Variants in RALY observed in about 807,000 individuals in gnomAD.
RALY encodes the protein RALY heterogeneous nuclear ribonucleoprotein.
Under a neutral mutation model 30.7 loss-of-function variants are expected in RALY, and 15 were observed. The ratio of observed to expected loss-of-function variants is 0.49; its 90% confidence interval spans 0.33 to 0.75. RALY has a LOEUF of 0.75. RALY is among the 30% of genes least tolerant of loss of function. The pLI is 0.02. For synonymous variants in RALY, 177 were observed against 170.8 expected, an observed-to-expected ratio of 1.04 and a Z score of -0.28; for missense variants, 339 against 414.3, an observed-to-expected ratio of 0.82 and a Z score of 1.58.
At chr20:34,046,113 A>G (rs989263835) in intron 2 of RALY, among the ~76,000 whole-genome samples, 4 of 152,170 alleles carry the variant, frequency 2.6e-5, no homozygotes, top group Admixed American at 1.3e-4. Context: ...TTGAACTACT[A>G]CCCTCTGCAA....
intron 2 of RALY, among the ~76,000 whole-genome samples, chr20:34,067,459 CCCAGCCAGTGGCTGTTGTTACTGTGA>C (rs1269519205): frequency 6.6e-6 from 1 of 152,184 alleles, no homozygotes; most frequent in Non-Finnish European, 1.5e-5. Context: ...AGCCACTGTG[CCCAGCCAGTGGCTGTTGTTACTGTGA>C]CGGCTCTCTG....
At chr20:34,031,190 G>A (rs1218534243) in intron 1 of RALY, among the ~76,000 whole-genome samples, 2 of 148,294 alleles carry the variant, frequency 1.3e-5, no homozygotes, top group Non-Finnish European at 3.0e-5. Context: ...GGTTACAGGC[G>A]CCCACCACCA....
intron 2 of RALY, among the ~76,000 whole-genome samples, chr20:34,053,962 G>T (rs1381269264): frequency 6.6e-6 from 1 of 152,020 alleles, no homozygotes; most frequent in African/African-American, 2.4e-5. Flanking sequence ...GTAGTCTCTG[G>T]GCTGCAGACT....
chr20:34,022,259 C>A (rs910498565), intron 1 of RALY, among the ~76,000 whole-genome samples: 1 of 151,954 alleles, frequency 6.6e-6, no homozygotes, highest in Non-Finnish European at 1.5e-5. Context: ...TTCTCTATAC[C>A]TTATACCTCA....
chr20:34,039,374 G>A (rs897273421), intron 2 of RALY, among the ~76,000 whole-genome samples: 3 of 152,204 alleles, frequency 2.0e-5, no homozygotes, highest in African/African-American at 7.2e-5. Flanking sequence ...CCCAGATTGT[G>A]CTCTATCACC....
chr20:34,026,374 TTTTATTTATTTA>T (rs372397530), intron 1 of RALY, among the ~76,000 whole-genome samples: 1,558 of 142,448 alleles, frequency 0.011, 16 homozygotes, highest in South Asian at 0.028. Flanking sequence ...ACCTCAGACA[TTTTATTTATTTA>T]TTTATTTATT....
chr20:34,001,611 T>A (rs1280888441), intron 1 of RALY, among the ~76,000 whole-genome samples: 2 of 152,220 alleles, frequency 1.3e-5, no homozygotes, highest in Non-Finnish European at 2.9e-5. Context: ...TTACATGGTG[T>A]CTCTTGATCT....
rs567852056 is a variant in RALY, at chr20:34,078,908, C to T, written c.*4+355C>T. Among the ~76,000 whole-genome samples, 7 of 152,260 alleles carry T rather than the reference C, an allele frequency of 4.6e-5. 1 individual carries two copies. In the South Asian group the frequency reaches 1.2e-3, roughly 27 times the overall value. On this transcript the variant is annotated intron_variant, in intron 9 of 9. Transcript: ENST00000246194. ...TAGTGTGAGCAGGATAACAATAGAG[C>T]GAGGCCAGGTCATGGAAGAGATGAT...
At chr20:34,028,678 T>C (rs1185355790) in intron 1 of RALY, among the ~76,000 whole-genome samples, 1 of 114,926 alleles carries the variant, frequency 8.7e-6, no homozygotes, top group East Asian at 2.6e-4. Flanking sequence ...CACTCCAGCA[T>C]GGGTGACAGA....
intron 1 of RALY, among the ~76,000 whole-genome samples, chr20:34,012,954 G>C (rs944828816): frequency 2.6e-5 from 4 of 152,152 alleles, no homozygotes; most frequent in Non-Finnish European, 4.4e-5. Context: ...CTTTATGTTG[G>C]TTACAAAAGT....
chr20:34,069,035 C>G (rs2284389), intron 2 of RALY, among the ~76,000 whole-genome samples: 94,767 of 152,070 alleles, frequency 0.62, 30,793 homozygotes, highest in South Asian at 0.85. Context: ...AGATTTCTCA[C>G]CCAGAGCAGC....
At chr20:34,032,925 G>GT (rs2032340220) in intron 2 of RALY, among the ~76,000 whole-genome samples, 2 of 152,184 alleles carry the variant, frequency 1.3e-5, no homozygotes, top group Non-Finnish European at 2.9e-5. Flanking sequence ...GCAGGTAGGA[G>GT]TTAGGGGTCC....
intron 2 of RALY, among the ~76,000 whole-genome samples, chr20:34,058,714 A>G (rs1455591621): frequency 6.6e-6 from 1 of 152,218 alleles, no homozygotes; most frequent in Non-Finnish European, 1.5e-5. Flanking sequence ...GTCCAAGGTC[A>G]CACAACTAGT....
At chr20:34,043,329 G>A (rs2032766899) in intron 2 of RALY, among the ~76,000 whole-genome samples, 1 of 152,210 alleles carries the variant, frequency 6.6e-6, no homozygotes, top group South Asian at 2.1e-4. Flanking sequence ...AGAATAGGCA[G>A]CTGCTTTCAT....
intron 2 of RALY, among the ~76,000 whole-genome samples, chr20:34,031,994 C>T (rs910042310): frequency 6.6e-6 from 1 of 152,176 alleles, no homozygotes; most frequent in Non-Finnish European, 1.5e-5. Context: ...TGGAGTTTCG[C>T]TCTTGTTGCC....
chr20:34,026,271 A>G (rs1317709645), intron 1 of RALY, among the ~76,000 whole-genome samples: 2 of 152,086 alleles, frequency 1.3e-5, no homozygotes, highest in African/African-American at 2.4e-5. Context: ...CCCTTCATTT[A>G]ACATTTACAA....
chr20:34,057,671 A>G (rs1230457705), intron 2 of RALY, among the ~76,000 whole-genome samples: 1 of 151,798 alleles, frequency 6.6e-6, no homozygotes, highest in Non-Finnish European at 1.5e-5. Context: ...CGTCTCAAAA[A>G]AAAAAAAAAA....
At chr20:34,030,600 G>A (rs1474744376) in intron 1 of RALY, among the ~76,000 whole-genome samples, 1 of 152,230 alleles carries the variant, frequency 6.6e-6, no homozygotes, top group Non-Finnish European at 1.5e-5. Context: ...GTGAGACAGA[G>A]TTAGAGTTGT....
At chr20:34,066,009 G>A (rs1393676626) in intron 2 of RALY, among the ~76,000 whole-genome samples, 1 of 152,164 alleles carries the variant, frequency 6.6e-6, no homozygotes, top group African/African-American at 2.4e-5. Context: ...AGGATTTGGA[G>A]CACATGAGGG....
Sources: gnomAD v4.1 joint callset for allele counts (sites outside exome capture counted in the v4.1 genomes callset) on GRCh38, gnomAD v4.1.1 for gene constraint, MANE v1.5 for transcripts, NCBI Gene and HGNC (gene_info 2026-07-23, HGNC 2026-07-21) for gene names.